Variants in CIT observed in about 807,000 individuals in gnomAD.
CIT encodes the protein citron rho-interacting serine/threonine kinase.
Under a neutral mutation model 272.7 loss-of-function variants are expected in CIT, and 79 were observed. The ratio of observed to expected loss-of-function variants is 0.29; its 90% CI spans 0.24 to 0.35. CIT has a LOEUF of 0.35. Among genes scored for constraint, CIT ranks in the 10% least tolerant of loss-of-function variants. The probability of loss-of-function intolerance (pLI) is 1.00; values close to 1 mark genes in which losing one functional copy is unlikely to be tolerated. For missense variants in CIT, 1,909 were observed against 2,618.3 expected (o/e 0.73, Z 5.91); for synonymous variants, 948 against 995.6 (o/e 0.95, Z 0.90).
intron 19 of CIT, among the ~76,000 whole-genome samples, chr12:119,762,132 A>G (rs1294452526): frequency 6.6e-6 from 1 of 152,216 alleles, no homozygotes; most frequent in African/African-American, 2.4e-5. Context: ...GGACTGTCAC[A>G]GCTCATGGGG....
At chr12:119,777,585 G>A (rs1051149230) in intron 13 of CIT, among the ~76,000 whole-genome samples, 2 of 150,930 alleles carry the variant, frequency 1.3e-5, no homozygotes, top group East Asian at 2.0e-4. Flanking sequence ...CAGAAGAATC[G>A]CTTGGACCCG....
intron 28 of CIT, among the ~76,000 whole-genome samples, chr12:119,726,236 T>G (rs1433643755): frequency 6.6e-6 from 1 of 152,012 alleles, no homozygotes; most frequent in East Asian, 1.9e-4. Flanking sequence ...ATTTTTATTT[T>G]GAGACAGGCT....
At chr12:119,810,310 A>G (rs1321232727) in intron 9 of CIT, among the ~76,000 whole-genome samples, 1 of 152,178 alleles carries the variant, frequency 6.6e-6, no homozygotes, top group East Asian at 1.9e-4. Context: ...TGGTGACCAC[A>G]TATTTGGTCA....
chr12:119,742,031 C>T (rs1359359878), intron 24 of CIT, among the ~76,000 whole-genome samples: 2 of 152,180 alleles, frequency 1.3e-5, no homozygotes, highest in Non-Finnish European at 2.9e-5. Flanking sequence ...ACAGATACAA[C>T]TGCCCTGGTG....
At chr12:119,766,485 A>G (rs1962469646) in intron 19 of CIT, among the ~76,000 whole-genome samples, 1 of 152,226 alleles carries the variant, frequency 6.6e-6, no homozygotes. Flanking sequence ...GAGGTTGGGA[A>G]GCGTAGAAGG....
Position 119,710,513 on chromosome 12 carries a change from A to G in CIT, c.4935+27T>C. The G allele has an allele frequency of 6.2e-7, 1 of 1,613,732 alleles. No homozygotes were observed. The highest frequency in any genetic ancestry group is 8.5e-7 in the Non-Finnish European group (1 of 1,179,578). On this transcript the variant is annotated intron_variant, in intron 38 of 47. Coordinates refer to ENST00000392521, the MANE Select transcript of CIT (RefSeq NM_001206999.2). The surrounding 1 kb of genome is among the most constrained non-coding windows in gnomAD (Gnocchi z 5.6). ...TGGGGTGTGGCTGTAACCAGACACC[A>G]GCTGGCCGTGCCCATGCAAGCATTA...
intron 18 of CIT, among the ~76,000 whole-genome samples, chr12:119,767,444 C>T (rs1962580288): frequency 6.6e-6 from 1 of 152,136 alleles, no homozygotes; most frequent in African/African-American, 2.4e-5. Context: ...TATGACAGGT[C>T]GAACAAAGGC....
chr12:119,732,986 C>T (rs933976350), intron 26 of CIT, among the ~76,000 whole-genome samples: 3 of 152,126 alleles, frequency 2.0e-5, no homozygotes, highest in South Asian at 2.1e-4. Context: ...AATGTCACAA[C>T]GTACCAATTT....
rs147722812 is a variant in CIT at position 119,869,126 on chromosome 12, G to A, written c.172C>T (p.Leu58Phe). Reference protein sequence around the residue: ...REGILDALFVLFEECSQPALM... With the variant: ...REGILDALFVFFEECSQPALM... ...GCAGGCTGACTGCATTCTTCAAAGA[G>A]AACAAAGAGGGCATCTAATATCCCT... Residue 58 changes from leucine to phenylalanine, a missense_variant, in exon 3 of 48, where the codon CTC becomes TTC. Around this residue, in one of 8 missense-constraint regions of CIT, gnomAD observed 529 missense variants for 549.6 expected, o/e 0.96. Transcript: ENST00000392521. The A allele has an allele frequency of 2.5e-5, 41 of 1,613,110 alleles. No homozygotes were observed. Among genetic ancestry groups the A allele is most frequent in the Non-Finnish European group, 3.5e-5 (41 of 1,179,756 alleles).
intron 19 of CIT, among the ~76,000 whole-genome samples, chr12:119,762,736 A>G (rs1013061834): frequency 8.5e-5 from 13 of 152,162 alleles, no homozygotes; most frequent in Non-Finnish European, 1.9e-4. Context: ...ATAAGCCTCT[A>G]TCAAGAACGT....
In CIT at chr12:119,826,163, G is replaced by A. The variant is rs143560920; in HGVS notation, c.754-795C>T. Among the ~76,000 whole-genome samples, 869 of 152,192 alleles carry A rather than the reference G, an allele frequency of 5.7e-3. 1 individual carries two copies. The highest frequency in any genetic ancestry group is 9.5e-3 in the Non-Finnish European group (645 of 68,000). On this transcript the variant is annotated intron_variant, in intron 7 of 47. Transcript: ENST00000392521. ...TTGGAAAACTGCCTTTGGAATTAAC[G>A]TTCCTACTTCAACCCACCCACAGGG... is the stretch of plus-strand genomic sequence containing the variant.
chr12:119,876,101 C>T lies in CIT; in HGVS notation c.68G>A (p.Arg23Gln), dbSNP rs1950835632. The change falls in exon 2 of 48, where the codon CGG becomes CAG. Residue 23 changes from arginine to glutamine, a missense_variant. Around this residue, in one of 8 missense-constraint regions of CIT, gnomAD observed 529 missense variants for 549.6 expected, o/e 0.96. Transcript: ENST00000392521. ...GAAGAACAGATTCAGCCTGGAGGCC[C>T]GGCTGGCAATGGGTTCAGCAGCACC... ...DAGAAEPIAS[R>Q]ASRLNLFFQG... 3.1e-6 allele frequency: 5 copies of T among 1,613,632 alleles called. No individual in the cohort carries two copies. Among genetic ancestry groups the T allele is most frequent in the Non-Finnish European group, 4.2e-6 (5 of 1,179,708 alleles).
chr12:119,706,960 C>T (rs1306294683), intron 40 of CIT, among the ~76,000 whole-genome samples: 3 of 152,160 alleles, frequency 2.0e-5, no homozygotes, highest in South Asian at 4.1e-4. Flanking sequence ...TATTTTTTGA[C>T]TTTTTGACTA....
At position 119,784,340 on chromosome 12, in the gene CIT, CTTTTGTTTTTG is replaced by C. The variant is rs1964568985; in HGVS notation, c.1402-300_1402-290del. ...ACAATCATCATTTTTCACCTGTTTG[CTTTTGTTTTTG>C]TTTTGTTTTTGCAGACGTCACTTTA... On this transcript the variant is annotated intron_variant, in intron 11 of 47. Transcript: ENST00000392521. The surrounding 1 kb of genome is among the most constrained non-coding windows in gnomAD (Gnocchi z 4.7). 4.3e-6 allele frequency: 6 copies of C among 1,383,274 alleles called. No homozygotes were observed. Among genetic ancestry groups the C allele is most frequent in the Non-Finnish European group, 5.7e-6 (6 of 1,051,596 alleles). The allele number at this position is 1,383,274 out of a possible 1,614,324, so 85.7% of individuals were successfully genotyped here.
intron 19 of CIT, among the ~76,000 whole-genome samples, chr12:119,764,262 TCA>T (rs1342845209): frequency 6.6e-6 from 1 of 152,148 alleles, no homozygotes; most frequent in Non-Finnish European, 1.5e-5. Context: ...TTCAAATACT[TCA>T]CATAGTGGAG....
chr12:119,727,126 A>G (rs988947830), intron 28 of CIT, among the ~76,000 whole-genome samples: 2 of 152,214 alleles, frequency 1.3e-5, no homozygotes, highest in African/African-American at 2.4e-5. Context: ...CATGTATTTA[A>G]TAAACTTCTA....
At chr12:119,703,661 A>G (rs1351518798) in intron 41 of CIT, among the ~76,000 whole-genome samples, 1 of 152,050 alleles carries the variant, frequency 6.6e-6, no homozygotes, top group Non-Finnish European at 1.5e-5. Context: ...CCTGACCTCA[A>G]GTGATCCACC....
intron 46 of CIT, among the ~76,000 whole-genome samples, chr12:119,693,569 A>G (rs146008742): frequency 1.4e-3 from 215 of 152,322 alleles, no homozygotes; most frequent in African/African-American, 4.7e-3. Context: ...TCTAATTACA[A>G]TATTTCAATG....
intron 10 of CIT, among the ~76,000 whole-genome samples, chr12:119,796,828 C>T (rs1174678677): frequency 2.6e-5 from 4 of 152,082 alleles, no homozygotes; most frequent in Non-Finnish European, 1.5e-5. Context: ...AGGAGGGAAA[C>T]CAAGTGTCCA....
Sources: allele counts gnomAD v4.1 joint callset (sites outside exome capture counted in the v4.1 genomes callset), GRCh38; gene constraint gnomAD v4.1.1; regional missense constraint gnomAD v4.1.1; non-coding constraint Gnocchi (gnomAD v3.1); transcripts MANE v1.5; gene names NCBI Gene and HGNC (gene_info 2026-07-23, HGNC 2026-07-21).